TBC1D1: variants seen among roughly 807,000 people sequenced by gnomAD.
TBC1D1 encodes the protein TBC1 (tre-2/USP6, BUB2, cdc16) domain family, member 1.
In TBC1D1, 89 loss-of-function variants were observed where a neutral mutation model predicts 125.6. The ratio of observed to expected loss-of-function variants is 0.71; its 90% CI spans 0.60 to 0.85. TBC1D1 has a LOEUF of 0.85. Ranked by LOEUF, TBC1D1 falls within the 40% of genes least tolerant of loss-of-function variation. TBC1D1 has a pLI of 0.00. For synonymous variants in TBC1D1, 565 were observed against 564.1 expected (o/e 1.00, Z -0.02); for missense variants, 1,377 against 1,469.2 (o/e 0.94, Z 1.03).
intron 2 of TBC1D1, among the ~76,000 whole-genome samples, chr4:37,943,752 GT>G (rs1193293850): frequency 6.6e-6 from 1 of 152,098 alleles, no homozygotes; most frequent in Admixed American, 6.6e-5. Context: ...TTTTTTCAAG[GT>G]TTTTAGCTTC....
intron 2 of TBC1D1, among the ~76,000 whole-genome samples, chr4:38,011,365 A>AG (rs1326802521): frequency 1.3e-5 from 2 of 151,858 alleles, no homozygotes; most frequent in Admixed American, 6.6e-5. Context: ...AAAAAAAAAA[A>AG]AAAGAAAAAG....
At chr4:37,895,897 T>G (rs1714457500) in intron 1 of TBC1D1, among the ~76,000 whole-genome samples, 1 of 152,160 alleles carries the variant, frequency 6.6e-6, no homozygotes, top group African/African-American at 2.4e-5. Flanking sequence ...GTGGGATTCC[T>G]GGGTGAGGAA....
chr4:37,993,183 A>G (rs1737010203), intron 2 of TBC1D1, among the ~76,000 whole-genome samples: 2 of 152,132 alleles, frequency 1.3e-5, no homozygotes, highest in African/African-American at 4.8e-5. Flanking sequence ...AGAGAAAGAA[A>G]CCATCTTTCT....
intron 2 of TBC1D1, among the ~76,000 whole-genome samples, chr4:37,947,246 TC>T (rs1298448083): frequency 6.6e-5 from 10 of 152,186 alleles, no homozygotes; most frequent in Admixed American, 6.5e-5. Context: ...AACCTCCACT[TC>T]CTGGGTTCAA....
intron 12 of TBC1D1, among the ~76,000 whole-genome samples, chr4:38,073,231 C>T (rs1358826383): frequency 6.6e-6 from 1 of 152,172 alleles, no homozygotes; most frequent in Non-Finnish European, 1.5e-5. Context: ...ACATTCCCAC[C>T]AACAGTGCCC....
In TBC1D1 at chr4:37,995,086, AT is replaced by A. The variant is rs1478134339; in HGVS notation, c.418-19420del. Among the ~76,000 whole-genome samples the A allele has an allele frequency of 9.2e-5, 14 of 152,138 alleles. No individual in the cohort carries two copies. Among genetic ancestry groups the A allele is most frequent in the African/African-American group, 3.4e-4 (14 of 41,418 alleles). Reference sequence around the variant, plus strand: ...CAATTTATTTTTGTAGAATAGTAGAATTTGGAACTAGAAGTGATTTTAAGAG... The same window carrying A: ...CAATTTATTTTTGTAGAATAGTAGAATTGGAACTAGAAGTGATTTTAAGAG... On this transcript the variant is annotated intron_variant, in intron 2 of 19. Coordinates refer to ENST00000261439, the MANE Select transcript of TBC1D1 (RefSeq NM_015173.4). This position sits in a 1 kb window ranked among gnomAD's most constrained non-coding sequence, Gnocchi z 4.3.
At chr4:38,015,880 T>C (rs999924905) in intron 3 of TBC1D1, among the ~76,000 whole-genome samples, 16 of 152,198 alleles carry the variant, frequency 1.1e-4, no homozygotes, top group African/African-American at 3.9e-4. Context: ...CAAGGGTAAA[T>C]AGGGCTGATG....
At chr4:38,135,530 A>G (rs962612417) in intron 19 of TBC1D1, among the ~76,000 whole-genome samples, 1 of 152,240 alleles carries the variant, frequency 6.6e-6, no homozygotes, top group Non-Finnish European at 1.5e-5. Context: ...GCAAATGACC[A>G]TGCAAATTAA....
At chr4:38,003,481 C>G (rs1402417017) in intron 2 of TBC1D1, among the ~76,000 whole-genome samples, 1 of 152,126 alleles carries the variant, frequency 6.6e-6, no homozygotes, top group Admixed American at 6.5e-5. Context: ...TATCTATTGC[C>G]TGCTGATATT....
intron 2 of TBC1D1, among the ~76,000 whole-genome samples, chr4:37,967,381 G>C (rs1343945458): frequency 6.6e-6 from 1 of 151,952 alleles, no homozygotes; most frequent in African/African-American, 2.4e-5. Flanking sequence ...TGTAATCCCA[G>C]TTACTTGGGA....
At chr4:38,111,152 A>G (rs1026235086) in intron 15 of TBC1D1, among the ~76,000 whole-genome samples, 56 of 152,382 alleles carry the variant, frequency 3.7e-4, no homozygotes, top group Non-Finnish European at 7.1e-4. Context: ...GGAGGGCTAC[A>G]GTGCTCAACA....
At chr4:38,020,915 C>T (rs1427708168) in intron 5 of TBC1D1, 14 of 388,780 alleles carry the variant, frequency 3.6e-5, no homozygotes, top group Non-Finnish European at 6.7e-5. Context: ...TGTTTAGTGT[C>T]ACCTTCTGGT....
At chr4:37,942,627 C>T (rs1227108169) in intron 2 of TBC1D1, among the ~76,000 whole-genome samples, 3 of 152,120 alleles carry the variant, frequency 2.0e-5, no homozygotes, top group African/African-American at 7.2e-5. Context: ...CAAGCTCTGC[C>T]TCCCAGGTTC....
Position 38,116,113 on chromosome 4 carries a change from C to T in TBC1D1, c.2802+159C>T, listed in dbSNP as rs544911942. On this transcript the variant is annotated intron_variant, in intron 16 of 19. Transcript: ENST00000261439. ...GTGCTAGGCATTATTCCAAGCGCTT[C>T]ATCTGCACTTCCCTCTAAGGAAGAC... Among the ~76,000 whole-genome samples, 7 of 103,344 alleles carry T rather than the reference C, an allele frequency of 6.8e-5. No individual in the cohort carries two copies. In the East Asian group the frequency reaches 2.2e-3, roughly 32 times the overall value. The allele number at this position is 103,344 out of a possible 152,430, so 67.8% of individuals were successfully genotyped here.
intron 11 of TBC1D1, among the ~76,000 whole-genome samples, chr4:38,051,030 T>A (rs1291804702): frequency 1.3e-5 from 2 of 152,238 alleles, no homozygotes; most frequent in South Asian, 2.1e-4. Context: ...GTCTGCACAT[T>A]ACTTCTGTGC....
intron 12 of TBC1D1, among the ~76,000 whole-genome samples, chr4:38,079,058 G>A (rs1328363026): frequency 6.6e-6 from 1 of 152,012 alleles, no homozygotes. Flanking sequence ...GTGACAGCCC[G>A]GAGTACCCTG....
At chr4:38,060,581 G>C (rs2152496130) in intron 12 of TBC1D1, 1 of 1,275,186 alleles carries the variant, frequency 7.8e-7, no homozygotes, top group South Asian at 1.2e-5. Context: ...AAAGGGTAAG[G>C]ATGCTTACGT....
intron 14 of TBC1D1, among the ~76,000 whole-genome samples, chr4:38,099,576 ATAC>A (rs1759943173): frequency 6.6e-6 from 1 of 152,140 alleles, no homozygotes; most frequent in African/African-American, 2.4e-5. Context: ...TTTCTTCTTT[ATAC>A]CTCTTGCATT....
rs112861825 is a variant in TBC1D1, at chr4:37,902,362, C to T, written c.267C>T (p.Ile89=). Residue 89 remains isoleucine (I), a synonymous_variant, in exon 2 of 20, where the codon ATC becomes ATT. Transcript: ENST00000261439. ...GAAGTCAACAGTGGGATCCCCTGAT[C>T]TATTCCAGCATCTTTGAGTGCAAGC... is the stretch of plus-strand genomic sequence containing the variant. 6.2e-7 allele frequency: 1 copy of T among 1,614,214 alleles called. No individual in the cohort carries two copies. Among genetic ancestry groups the T allele is most frequent in the Admixed American group, 1.7e-5 (1 of 60,030 alleles).
Sources: gnomAD v4.1 joint callset for allele counts (sites outside exome capture counted in the v4.1 genomes callset) on GRCh38, gnomAD v4.1.1 for gene constraint, Gnocchi (gnomAD v3.1) non-coding constraint, MANE v1.5 for transcripts, NCBI Gene and HGNC (gene_info 2026-07-23, HGNC 2026-07-21) for gene names.